CSMD1: variants seen among roughly 807,000 people sequenced by gnomAD.
CSMD1 encodes CUB and Sushi multiple domains 1.
CSMD1 carries 213 observed loss-of-function variants against 417.5 expected under a neutral mutation model. That is an observed-to-expected ratio of 0.51 (90% CI 0.46 to 0.57). The LOEUF is 0.57. Among genes scored for constraint, CSMD1 ranks in the 20% least tolerant of loss-of-function variants. The pLI is 0.00. For missense variants in CSMD1, 6,923 were observed against 4,529.7 expected (o/e 1.53, Z -15.17); for synonymous variants, 2,862 against 1,736.8 (o/e 1.65, Z -16.11).
intron 1 of CSMD1, among the ~76,000 whole-genome samples, chr8:4,744,456 A>G (rs1286818638): frequency 6.6e-6 from 1 of 152,178 alleles, no homozygotes; most frequent in Admixed American, 6.5e-5. Context: ...CACTGTCCCA[A>G]AATGCTCTCC....
At chr8:4,421,811 C>CA (rs1262409832) in intron 2 of CSMD1, among the ~76,000 whole-genome samples, 4 of 150,916 alleles carry the variant, frequency 2.7e-5, no homozygotes, top group Admixed American at 2.0e-4. Context: ...AAACAGAAAG[C>CA]AAAAAACAAG....
At chr8:3,284,068 T>C in intron 26 of CSMD1, 76 bp downstream of exon 26, 2 of 1,197,544 alleles carry the variant, frequency 1.7e-6, no homozygotes, top group Non-Finnish European at 2.4e-6. Flanking sequence ...CGCTGGTGAA[T>C]ATAAATGGAG....
chr8:3,931,115 C>G (rs1049673859), intron 5 of CSMD1, among the ~76,000 whole-genome samples: 1 of 150,270 alleles, frequency 6.7e-6, no homozygotes, highest in African/African-American at 2.5e-5. Context: ...AAGCCTAGGC[C>G]GATATTGCAG....
chr8:4,083,146 G>A (rs548883154), intron 3 of CSMD1, among the ~76,000 whole-genome samples: 13 of 151,954 alleles, frequency 8.6e-5, no homozygotes, highest in South Asian at 6.2e-4. Flanking sequence ...GGGATGGCTG[G>A]GTCAAATGGT....
At chr8:4,352,169 A>C (rs1315214509) in intron 3 of CSMD1, among the ~76,000 whole-genome samples, 1 of 152,174 alleles carries the variant, frequency 6.6e-6, no homozygotes, top group South Asian at 2.1e-4. Flanking sequence ...TATTAAGTCC[A>C]CTTAGGTTCT....
intron 3 of CSMD1, among the ~76,000 whole-genome samples, chr8:4,220,320 G>C (rs887472499): frequency 6.6e-6 from 1 of 152,176 alleles, no homozygotes; most frequent in Non-Finnish European, 1.5e-5. Context: ...AATTTGAAGC[G>C]TGAGAAGGAG....
intron 3 of CSMD1, among the ~76,000 whole-genome samples, chr8:4,042,849 T>C (rs2263466): frequency 0.77 from 83,882 of 108,606 alleles, 33,263 homozygotes; most frequent in African/African-American, 0.85. Context: ...AAAAGCAGGC[T>C]GGGCACGGTG....
chr8:4,526,112 A>C (rs374273116), intron 2 of CSMD1, among the ~76,000 whole-genome samples: 6 of 152,222 alleles, frequency 3.9e-5, no homozygotes, highest in South Asian at 4.1e-4. Flanking sequence ...AAAATGAGAC[A>C]AACTAAAAAT....
intron 3 of CSMD1, among the ~76,000 whole-genome samples, chr8:4,109,418 G>C (rs939902730): frequency 1.3e-5 from 2 of 151,996 alleles, no homozygotes; most frequent in East Asian, 3.9e-4. Flanking sequence ...TCTTAATCAC[G>C]GTGAAAGTTT....
chr8:3,376,149 G>C (rs953249745), intron 18 of CSMD1, among the ~76,000 whole-genome samples: 26 of 152,082 alleles, frequency 1.7e-4, no homozygotes, highest in African/African-American at 5.8e-4. Context: ...ATAAATGCTT[G>C]TGGAGAGAGT....
At chr8:3,619,056 T>C (rs112962608) in intron 7 of CSMD1, among the ~76,000 whole-genome samples, 2,528 of 151,934 alleles carry the variant, frequency 0.017, 42 homozygotes, top group Admixed American at 0.029. Flanking sequence ...TGCAGCAAGA[T>C]TGCAAACCCA....
At chr8:4,475,495 T>C (rs867382337) in intron 2 of CSMD1, among the ~76,000 whole-genome samples, 2 of 152,304 alleles carry the variant, frequency 1.3e-5, no homozygotes, top group African/African-American at 4.8e-5. Context: ...CAGAATTGTG[T>C]TTTTTAGAGA....
In CSMD1 at chr8:4,037,920, G is replaced by T. The variant is rs193036902; in HGVS notation, c.416-5821C>A. On this transcript the variant is annotated intron_variant, in intron 3 of 69. Coordinates refer to ENST00000635120, the MANE Select transcript of CSMD1 (RefSeq NM_033225.6). Reference sequence around the variant, plus strand: ...GTAGCTCATAAGCTTAGTGGGAATAGGAAAAAAAGTTTTTCAAAATTCAGT... The same window carrying T: ...GTAGCTCATAAGCTTAGTGGGAATATGAAAAAAAGTTTTTCAAAATTCAGT... Among the ~76,000 whole-genome samples, 9 of 151,988 alleles carry T rather than the reference G, an allele frequency of 5.9e-5. No homozygotes were observed. In the East Asian group the frequency reaches 1.5e-3, roughly 26 times the overall value.
intron 18 of CSMD1, among the ~76,000 whole-genome samples, chr8:3,385,054 AAT>A (rs530350652): frequency 2.5e-5 from 3 of 121,020 alleles, no homozygotes; most frequent in East Asian, 2.3e-4. Flanking sequence ...ATAAATATAT[AAT>A]ATATAATATA....
chr8:3,441,816 T>C (rs1044835141), intron 12 of CSMD1, among the ~76,000 whole-genome samples: 7 of 146,240 alleles, frequency 4.8e-5, no homozygotes, highest in African/African-American at 1.8e-4. Context: ...TATCCATCAC[T>C]GTTTTAGACT....
At chr8:4,817,154 C>T (rs115110532) in intron 1 of CSMD1, among the ~76,000 whole-genome samples, 1 of 151,770 alleles carries the variant, frequency 6.6e-6, no homozygotes, top group Admixed American at 6.6e-5. Context: ...TACATAAATA[C>T]ACACACATGT....
At chr8:4,278,567 G>C (rs546140783) in intron 3 of CSMD1, among the ~76,000 whole-genome samples, 34 of 152,282 alleles carry the variant, frequency 2.2e-4, no homozygotes, top group Non-Finnish European at 4.3e-4. Context: ...CAAAACGTTA[G>C]ATAACATATG....
Position 4,514,641 on chromosome 8 carries a change from G to C in CSMD1, c.303-94576C>G, listed in dbSNP as rs545846156. On this transcript the variant is annotated intron_variant, in intron 2 of 69. Transcript: ENST00000635120. ...TAAAGTTTTTATAAAAGCAACATCA[G>C]CCCTGTTAAATAAAAAAGTAGACCT... 4.6e-5 allele frequency among the ~76,000 whole-genome samples: 7 copies of C among 152,208 alleles called. No homozygotes were observed. In the South Asian group the frequency reaches 1.0e-3, roughly 23 times the overall value.
At chr8:3,613,702 A>AAAAC (rs1801999048) in intron 8 of CSMD1, among the ~76,000 whole-genome samples, 1 of 144,790 alleles carries the variant, frequency 6.9e-6, no homozygotes, top group South Asian at 2.2e-4. Flanking sequence ...GTCAGATTAA[A>AAAAC]ACACACACAC....
Sources: allele counts gnomAD v4.1 joint callset (sites outside exome capture counted in the v4.1 genomes callset), GRCh38; gene constraint gnomAD v4.1.1; transcripts MANE v1.5; gene names NCBI Gene and HGNC (gene_info 2026-07-23, HGNC 2026-07-21).